NEGR1: variants seen among roughly 807,000 people sequenced by gnomAD.
The protein encoded by NEGR1 is IgLON family member 4.
NEGR1 carries 10 observed loss-of-function variants against 40.9 expected under a neutral mutation model. The ratio of observed to expected loss-of-function variants is 0.24; its 90% CI spans 0.15 to 0.42. NEGR1 has a LOEUF of 0.42. NEGR1 is among the 10% of genes least tolerant of loss of function. NEGR1 has a pLI of 1.00. For missense variants in NEGR1, 352 were observed against 438.9 expected (o/e 0.80, Z 1.77); for synonymous variants, 185 against 166.8 (o/e 1.11, Z -0.84).
intron 2 of NEGR1, among the ~76,000 whole-genome samples, chr1:71,866,165 G>T (rs1189883565): frequency 1.3e-5 from 2 of 151,936 alleles, no homozygotes; most frequent in African/African-American, 4.8e-5. Flanking sequence ...CAAGTAAAAT[G>T]TCCATAGAAC....
intron 1 of NEGR1, among the ~76,000 whole-genome samples, chr1:72,265,834 T>C (rs1655619672): frequency 6.6e-6 from 1 of 150,852 alleles, no homozygotes; most frequent in Non-Finnish European, 1.5e-5. Flanking sequence ...TTTCCAACTC[T>C]GAAGTTTATT....
intron 5 of NEGR1, among the ~76,000 whole-genome samples, chr1:71,600,723 A>G (rs1433772966): frequency 6.6e-6 from 1 of 152,244 alleles, no homozygotes; most frequent in Admixed American, 6.5e-5. Flanking sequence ...GAATGTGAAG[A>G]AACCTACATA....
chr1:71,415,234 ATCTC>A (rs1490765961), intron 6 of NEGR1, among the ~76,000 whole-genome samples: 1 of 152,024 alleles, frequency 6.6e-6, no homozygotes, highest in Non-Finnish European at 1.5e-5. Flanking sequence ...TTTACAGAAA[ATCTC>A]TCTATTTTTG....
chr1:71,566,795 A>G (rs1648634022), intron 6 of NEGR1, among the ~76,000 whole-genome samples: 1 of 152,174 alleles, frequency 6.6e-6, no homozygotes, highest in Non-Finnish European at 1.5e-5. Flanking sequence ...AATAATAGAA[A>G]TGTATTTCTC....
intron 3 of NEGR1, among the ~76,000 whole-genome samples, chr1:71,738,887 G>C (rs1210963960): frequency 6.6e-6 from 1 of 151,894 alleles, no homozygotes; most frequent in Admixed American, 6.6e-5. Context: ...AATAAAGAAA[G>C]AGAAAAAAAA....
intron 6 of NEGR1, among the ~76,000 whole-genome samples, chr1:71,591,362 T>G (rs967254263): frequency 1.3e-5 from 2 of 152,162 alleles, no homozygotes; most frequent in African/African-American, 4.8e-5. Flanking sequence ...TTGTTCCTAA[T>G]TTTTCACATT....
chr1:71,795,584 C>T (rs1657293615), intron 2 of NEGR1, among the ~76,000 whole-genome samples: 1 of 152,004 alleles, frequency 6.6e-6, no homozygotes, highest in Non-Finnish European at 1.5e-5. Flanking sequence ...CAAGGAAATA[C>T]ATGAAAGATT....
intron 6 of NEGR1, among the ~76,000 whole-genome samples, chr1:71,494,126 C>T (rs1298316954): frequency 6.6e-6 from 1 of 152,164 alleles, no homozygotes; most frequent in Non-Finnish European, 1.5e-5. Context: ...CTGCAGTGTC[C>T]TGCCTGATAG....
intron 2 of NEGR1, among the ~76,000 whole-genome samples, chr1:71,787,560 AT>A (rs200960239): frequency 3.1e-4 from 47 of 150,426 alleles, no homozygotes; most frequent in South Asian, 2.5e-3. Flanking sequence ...GGAAATATTA[AT>A]TTTTTTTTTG....
intron 6 of NEGR1, among the ~76,000 whole-genome samples, chr1:71,541,458 C>T (rs1335523883): frequency 2.6e-5 from 4 of 151,722 alleles, no homozygotes; most frequent in African/African-American, 9.7e-5. Context: ...ACAGATATCC[C>T]TGGAGTATTG....
intron 4 of NEGR1, among the ~76,000 whole-genome samples, chr1:71,635,454 T>C (rs2101568585): frequency 6.6e-6 from 1 of 151,992 alleles, no homozygotes; most frequent in East Asian, 1.9e-4. Context: ...TAGAGTACTA[T>C]AGAGTTATAG....
At chr1:72,267,270 T>TCTTACATACA (rs2100553202) in intron 1 of NEGR1, among the ~76,000 whole-genome samples, 1 of 151,260 alleles carries the variant, frequency 6.6e-6, no homozygotes. Context: ...ATACAATGCA[T>TCTTACATACA]ATGTAATTTT....
At chr1:71,895,929 G>C (rs12731493) in intron 2 of NEGR1, among the ~76,000 whole-genome samples, 32,633 of 151,568 alleles carry the variant, frequency 0.22, 4,294 homozygotes, top group East Asian at 0.5. Flanking sequence ...CCGCCTTTTT[G>C]CTAACACCTC....
At chr1:71,718,107 G>T (rs1002171810) in intron 3 of NEGR1, among the ~76,000 whole-genome samples, 1 of 152,102 alleles carries the variant, frequency 6.6e-6, no homozygotes, top group Admixed American at 6.5e-5. Flanking sequence ...TTGTAAAGGC[G>T]AATCATGGCT....
At chr1:71,836,188 G>T (rs1430986871) in intron 2 of NEGR1, among the ~76,000 whole-genome samples, 2 of 151,912 alleles carry the variant, frequency 1.3e-5, no homozygotes, top group Non-Finnish European at 2.9e-5. Flanking sequence ...TAAAGAAAAT[G>T]TTAGGCACAT....
chr1:72,148,278 G>A (rs1225865543), intron 1 of NEGR1, among the ~76,000 whole-genome samples: 1 of 152,088 alleles, frequency 6.6e-6, no homozygotes, highest in East Asian at 1.9e-4. Context: ...CTGTGCACCC[G>A]CAGGCTCAAC....
At chr1:71,541,481 G>A (rs1647701737) in intron 6 of NEGR1, among the ~76,000 whole-genome samples, 1 of 151,718 alleles carries the variant, frequency 6.6e-6, no homozygotes, top group Non-Finnish European at 1.5e-5. Context: ...TTTACATTTT[G>A]GGGATATATA....
chr1:71,784,446 T>G (rs1046976788), intron 2 of NEGR1, among the ~76,000 whole-genome samples: 4 of 152,112 alleles, frequency 2.6e-5, no homozygotes, highest in African/African-American at 9.7e-5. Flanking sequence ...TTAACTTGCA[T>G]CCATTTTCAA....
intron 2 of NEGR1, among the ~76,000 whole-genome samples, chr1:71,787,730 CT>C (rs1240216344): frequency 6.6e-6 from 1 of 152,116 alleles, no homozygotes; most frequent in Non-Finnish European, 1.5e-5. Flanking sequence ...TAAAGAGTGC[CT>C]GCAGATTTGT....
Sources: gnomAD v4.1 joint callset for allele counts (sites outside exome capture counted in the v4.1 genomes callset) on GRCh38, gnomAD v4.1.1 for gene constraint, MANE v1.5 for transcripts, NCBI Gene and HGNC (gene_info 2026-07-23, HGNC 2026-07-21) for gene names.